MYBL2: variants seen among roughly 807,000 people sequenced by gnomAD.
MYBL2 encodes MYB proto-oncogene like 2.
Under a neutral mutation model 79.9 loss-of-function variants are expected in MYBL2, and 28 were observed. That is an observed-to-expected ratio of 0.35 (90% confidence interval 0.26 to 0.48). The LOEUF (loss-of-function observed/expected upper bound fraction) is 0.48. Among genes scored for constraint, MYBL2 ranks in the 20% least tolerant of loss-of-function variants. MYBL2 has a pLI of 0.99. For synonymous variants in MYBL2, 378 were observed against 361.2 expected (o/e 1.05, Z -0.53); for missense variants, 735 against 893.9 (o/e 0.82, Z 2.27).
intron 2 of MYBL2, among the ~76,000 whole-genome samples, chr20:43,676,317 G>C (rs769501704): frequency 2.1e-5 from 3 of 141,156 alleles, no homozygotes; most frequent in Non-Finnish European, 4.5e-5. Flanking sequence ...TCCCTTCTTC[G>C]TGTCCATGTG....
At position 43,700,003 on chromosome 20, in the gene MYBL2, G is replaced by C. The variant is rs1987644764; in HGVS notation, c.910G>C (p.Val304Leu). 6.2e-7 allele frequency: 1 copy of C among 1,613,886 alleles called. No homozygotes were observed. The highest frequency in any genetic ancestry group is 8.5e-7 in the Non-Finnish European group (1 of 1,180,040). Residue 304 changes from valine (V) to leucine (L), a missense_variant, in exon 7 of 14, where the codon GTG (valine) becomes CTG (leucine). Val to Leu is a conservative substitution (Grantham distance 32). Coordinates refer to ENST00000217026, the MANE Select transcript of MYBL2 (RefSeq NM_002466.4). ...VEAANLLIPA[V>L]GSSLSEALDL... ...GGCAGCTAACCTCCTCATCCCTGCT[G>C]TGGGTTCTAGCCTCTCTGAAGCCCT... is the stretch of plus-strand genomic sequence containing the variant.
chr20:43,697,114 T>A (rs1987563436), intron 6 of MYBL2, among the ~76,000 whole-genome samples: 1 of 152,172 alleles, frequency 6.6e-6, no homozygotes, highest in South Asian at 2.1e-4. Context: ...CCAAAGGGAT[T>A]GTACTGTTTA....
chr20:43,709,989 C>T lies in MYBL2; in HGVS notation c.1532C>T (p.Ser511Phe). The change falls in exon 10 of 14, where the codon TCC becomes TTC. Residue 511 changes from serine (S) to phenylalanine (F), a missense_variant. Physicochemically the swap from Ser to Phe is radical, Grantham distance 155. This residue lies in a region of MYBL2 where 243 missense variants were observed against 327.2 expected (regional missense o/e 0.74). Coordinates refer to ENST00000217026, the MANE Select transcript of MYBL2 (RefSeq NM_002466.4). ...AAFVTPDQKY[S>F]MDNTPHTPTP... ...TTTGTAACCCCAGATCAGAAGTACT[C>T]CATGGACAACACTCCCCACACGCCA... The T allele has an allele frequency of 6.2e-7, 1 of 1,608,828 alleles. No individual in the cohort carries two copies. Among genetic ancestry groups the T allele is most frequent in the Non-Finnish European group, 8.5e-7 (1 of 1,177,572 alleles).
intron 6 of MYBL2, among the ~76,000 whole-genome samples, chr20:43,698,827 C>T (rs1365113088): frequency 8.5e-6 from 1 of 118,252 alleles, no homozygotes; most frequent in East Asian, 3.0e-4. Context: ...AGCCGCCACA[C>T]CCAGCCCCCT....
intron 1 of MYBL2, among the ~76,000 whole-genome samples, chr20:43,670,534 A>G (rs748599620): frequency 2.0e-5 from 3 of 152,082 alleles, no homozygotes; most frequent in Non-Finnish European, 4.4e-5. Context: ...ATTTATTTGT[A>G]TATTCAGTCA....
In MYBL2 at chr20:43,702,516, T is replaced by A; in HGVS notation, c.978T>A (p.Ser326Arg). ...ESDPDAWCDL[S>R]KFDLPEEPSA... ...ACCCTGATGCTTGGTGTGACCTGAGTAAATTTGACCTCCCTGAGGAACCAT... is the reference window on the plus strand; with the variant it reads ...ACCCTGATGCTTGGTGTGACCTGAGAAAATTTGACCTCCCTGAGGAACCAT... The change falls in exon 8 of 14, where the codon AGT becomes AGA. Residue 326 changes from serine (S) to arginine (R), a missense_variant. By Grantham distance (110) the Ser-to-Arg change is moderately radical (BLOSUM62 -1). Transcript: ENST00000217026. The A allele has an allele frequency of 6.2e-7, 1 of 1,607,352 alleles. No individual in the cohort carries two copies. The highest frequency in any genetic ancestry group is 1.7e-4 in the Middle Eastern group (1 of 6,036).
At chr20:43,696,764 G>C (rs59008357) in intron 6 of MYBL2, among the ~76,000 whole-genome samples, 4,740 of 152,052 alleles carry the variant, frequency 0.031, 264 homozygotes, top group African/African-American at 0.11. Flanking sequence ...GTCTCACTCT[G>C]TTGCCAGGCT....
In MYBL2 at chr20:43,691,842, AT is replaced by A. The variant is rs879641028; in HGVS notation, c.501-300del. Among the ~76,000 whole-genome samples the A allele has an allele frequency of 6.0e-3, 851 of 142,516 alleles. 4 individuals are homozygous for A. Among genetic ancestry groups the A allele is most frequent in the African/African-American group, 6.3e-3 (247 of 39,154 alleles). The allele number at this position is 142,516 out of a possible 152,430, so 93.5% of individuals were successfully genotyped here. ...GTGTGGTGAGCCACCGCACTCGGCA[AT>A]TTTTTTTTTTTTTTAATTAAAAAAA... On this transcript the variant is annotated intron_variant, in intron 5 of 13. Transcript: ENST00000217026.
At chr20:43,675,328 T>G (rs947885544) in intron 2 of MYBL2, among the ~76,000 whole-genome samples, 18 of 151,900 alleles carry the variant, frequency 1.2e-4, no homozygotes, top group Admixed American at 1.2e-3. Flanking sequence ...TTTTCTTTTT[T>G]TTTTTTTGAG....
chr20:43,707,727 T>C (rs1358038958), intron 9 of MYBL2, among the ~76,000 whole-genome samples: 1 of 152,130 alleles, frequency 6.6e-6, no homozygotes, highest in African/African-American at 2.4e-5. Context: ...ATCCCTCAAA[T>C]TTGACAGGCT....
intron 9 of MYBL2, among the ~76,000 whole-genome samples, chr20:43,709,427 T>C (rs978590169): frequency 6.6e-6 from 1 of 152,238 alleles, no homozygotes; most frequent in Admixed American, 6.5e-5. Flanking sequence ...AAGCATCTTA[T>C]AGTTCTGCTT....
At position 43,668,618 on chromosome 20, in the gene MYBL2, G is replaced by A. The variant is rs891346274; in HGVS notation, c.20+1315G>A. Among the ~76,000 whole-genome samples the A allele has an allele frequency of 3.3e-5, 5 of 151,756 alleles. No individual in the cohort carries two copies. The East Asian group carries it at 9.7e-4, about 29-fold the overall frequency. On this transcript the variant is annotated intron_variant, in intron 1 of 13. Transcript: ENST00000217026. ...TGAGCACAGGGACTGTGTTCCTCAGGCCCCACTTTCCCAGGCCAATGTCCA... is the reference window on the plus strand; with the variant it reads ...TGAGCACAGGGACTGTGTTCCTCAGACCCCACTTTCCCAGGCCAATGTCCA...
chr20:43,711,674 C>A (rs1381548049), intron 11 of MYBL2, 73 bp downstream of exon 11: 26 of 1,389,708 alleles, frequency 1.9e-5, no homozygotes, highest in Non-Finnish European at 2.1e-5. Context: ...CGTCTGGGGA[C>A]AGGTTGTAGA....
At chr20:43,714,024 G>T (rs1371786931) in intron 12 of MYBL2, among the ~76,000 whole-genome samples, 1 of 152,134 alleles carries the variant, frequency 6.6e-6, no homozygotes. Flanking sequence ...TCCTGGCTAG[G>T]GGTCTCTGAC....
intron 1 of MYBL2, among the ~76,000 whole-genome samples, chr20:43,670,053 C>T (rs1490489742): frequency 1.3e-5 from 2 of 152,164 alleles, no homozygotes; most frequent in Admixed American, 6.5e-5. Flanking sequence ...TGCTGTGAGT[C>T]GAGATCATGC....
chr20:43,705,043 C>A (rs925416468), intron 8 of MYBL2, among the ~76,000 whole-genome samples, 176 bp from the exon 9 acceptor site: 3 of 152,108 alleles, frequency 2.0e-5, no homozygotes, highest in Non-Finnish European at 4.4e-5. Context: ...GGGCTCCTGG[C>A]ATCGATCTGT....
At chr20:43,670,019 C>A (rs1368077193) in intron 1 of MYBL2, among the ~76,000 whole-genome samples, 1 of 152,172 alleles carries the variant, frequency 6.6e-6, no homozygotes, top group Non-Finnish European at 1.5e-5. Context: ...CAGGAGAATT[C>A]ACTTGAACCC....
intron 1 of MYBL2, among the ~76,000 whole-genome samples, chr20:43,669,361 C>T (rs908552826): frequency 2.0e-5 from 3 of 152,184 alleles, no homozygotes; most frequent in African/African-American, 2.4e-5. Context: ...CTAGACCACC[C>T]CAGGTCCTGG....
At chr20:43,689,517 G>C (rs1987356290) in intron 5 of MYBL2, among the ~76,000 whole-genome samples, 1 of 152,092 alleles carries the variant, frequency 6.6e-6, no homozygotes. Context: ...GTGCTCCTCT[G>C]TCGGCCTGCA....
Sources: gnomAD v4.1 joint callset for allele counts (sites outside exome capture counted in the v4.1 genomes callset) on GRCh38, gnomAD v4.1.1 for gene constraint, gnomAD v4.1.1 regional missense constraint, MANE v1.5 for transcripts, NCBI Gene and HGNC (gene_info 2026-07-23, HGNC 2026-07-21) for gene names.